ZNF318: variants seen among roughly 807,000 people sequenced by gnomAD.
The protein encoded by ZNF318 is zinc finger protein 318.
Under a neutral mutation model 124.2 loss-of-function variants are expected in ZNF318, and 51 were observed. The observed-to-expected ratio is 0.41, with a 90% CI of 0.33 to 0.52. The LOEUF (loss-of-function observed/expected upper bound fraction) is 0.52. Among genes scored for constraint, ZNF318 ranks in the 20% least tolerant of loss-of-function variants. ZNF318 has a pLI of 0.23. For missense variants in ZNF318, 2,815 were observed against 2,811.2 expected (o/e 1.00, Z -0.03); for synonymous variants, 1,090 against 1,040.7 (o/e 1.05, Z -0.91).
chr6:43,367,666 T>C (rs534526082), intron 1 of ZNF318, among the ~76,000 whole-genome samples: 54 of 152,340 alleles, frequency 3.5e-4, no homozygotes, highest in Non-Finnish European at 5.7e-4. Flanking sequence ...AGCAAATACA[T>C]TGCGCACTGG....
chr6:43,365,269 G>A (rs549359774), intron 2 of ZNF318, 23 bp downstream of exon 2: 3 of 1,609,284 alleles, frequency 1.9e-6, no homozygotes, highest in East Asian at 2.2e-5. Context: ...AGTATAGTAG[G>A]CCCTGCCTTA....
chr6:43,347,314 C>T (rs1245984427), intron 6 of ZNF318, among the ~76,000 whole-genome samples: 7 of 152,282 alleles, frequency 4.6e-5, no homozygotes, highest in Non-Finnish European at 8.8e-5. Context: ...TGATCACTGG[C>T]TATATGTGCA....
At position 43,340,183 on chromosome 6, in the gene ZNF318, G is replaced by C; in HGVS notation, c.3815C>G (p.Ser1272Cys). ...EVKKESPTSS[S>C]FGKFSWKKPE... ...CTTCTTCCAGCTGAATTTCCCAAAA[G>C]AAGATGATGTTGGTGATTCCTTCTT... The change falls in exon 10 of 10, where the codon TCT (serine) becomes TGT (cysteine). Residue 1272 changes from serine to cysteine, a missense_variant. Ser to Cys is a moderately radical substitution (Grantham distance 112, BLOSUM62 -1). Around this residue, in one of 4 missense-constraint regions of ZNF318, gnomAD observed 500 missense variants for 605.2 expected, o/e 0.83. Transcript: ENST00000361428. 6.2e-7 allele frequency: 1 copy of C among 1,614,060 alleles called. No individual in the cohort carries two copies. The highest frequency in any genetic ancestry group is 8.5e-7 in the Non-Finnish European group (1 of 1,180,016).
chr6:43,340,933 G>A (rs752439606), intron 8 of ZNF318, 25 bp from the exon 9 acceptor site: 1 of 1,549,040 alleles, frequency 6.5e-7, no homozygotes, highest in Non-Finnish European at 8.9e-7. Flanking sequence ...AAAAAGTCAA[G>A]GAAATAAGTC....
chr6:43,366,942 C>G (rs1779769959), intron 1 of ZNF318, among the ~76,000 whole-genome samples: 1 of 152,134 alleles, frequency 6.6e-6, no homozygotes, highest in African/African-American at 2.4e-5. Context: ...AGCTCCGCCT[C>G]CCAGGTTCAT....
At chr6:43,343,172 C>T (rs1221356885) in intron 6 of ZNF318, among the ~76,000 whole-genome samples, 2 of 152,144 alleles carry the variant, frequency 1.3e-5, no homozygotes, top group East Asian at 3.8e-4. Context: ...ACATTGGCTG[C>T]CTCTGGGGAA....
intron 5 of ZNF318, among the ~76,000 whole-genome samples, chr6:43,350,872 G>T (rs1779515017): frequency 6.6e-6 from 1 of 152,130 alleles, no homozygotes; most frequent in Middle Eastern, 3.2e-3. Flanking sequence ...ACTCATCAAT[G>T]GATGCTAAAA....
chr6:43,369,190 G>A lies in ZNF318; in HGVS notation c.176C>T (p.Ser59Leu). ...SSRTPARRPR[S>L]PSGHRGRRAS... is the part of the protein sequence containing the mutation. The stretch of plus-strand genomic sequence containing the variant: ...CCGGCGGCCGCGGTGCCCTGAGGGC[G>A]AGCGGGGTCGGCGAGCCGGGGTCCG... Residue 59 changes from serine to leucine, a missense_variant, in exon 1 of 10, where the codon TCG becomes TTG. Ser to Leu is a moderately radical substitution (Grantham distance 145, BLOSUM62 -2). Transcript: ENST00000361428. 1 of 1,212,208 alleles carries A rather than the reference G, an allele frequency of 8.2e-7. No individual in the cohort carries two copies. The highest frequency in any genetic ancestry group is 1.0e-6 in the Non-Finnish European group (1 of 977,024). The allele number at this position is 1,212,208 out of a possible 1,614,324, so 75.1% of individuals were successfully genotyped here. A position where few individuals can be genotyped will look rare whatever the true frequency, so the allele number is the denominator to read the frequency against.
At position 43,369,517 on chromosome 6, in the gene ZNF318, T is replaced by A; in HGVS notation, c.-152A>T. 2.0e-6 allele frequency: 1 copy of A among 488,022 alleles called. No individual in the cohort carries two copies. Among genetic ancestry groups the A allele is most frequent in the Non-Finnish European group, 2.7e-6 (1 of 373,726 alleles). 30.2% of individuals were successfully genotyped at this position (488,022 alleles called of 1,614,324 possible). A position where few individuals can be genotyped will look rare whatever the true frequency, so the allele number is the denominator to read the frequency against. ...GCAGCCCCCTCCCCTCGGCCCCGCG[T>A]CGCCCCGGGGGCCCGGCCGAGCGCG... is the stretch of plus-strand genomic sequence containing the variant. On this transcript the variant is annotated 5_prime_UTR_variant, in exon 1 of 10. Transcript: ENST00000361428.
In ZNF318 at chr6:43,368,563, C is replaced by CT. The variant is rs997428062; in HGVS notation, c.399+403dup. The CT allele has an allele frequency of 2.2e-5, 16 of 723,142 alleles. No homozygotes were observed. The Admixed American group carries it at 8.1e-4, about 37-fold the overall frequency. The allele number at this position is 723,142 out of a possible 1,614,324, so 44.8% of individuals were successfully genotyped here. ...CTCGCCACAAAAACGGACATTTCGG[C>CT]TTTTTCCCCTAAGATCCAGGAAGGC... On this transcript the variant is annotated intron_variant, in intron 1 of 9. Transcript: ENST00000361428.
In ZNF318 at chr6:43,339,381, T is replaced by C. The variant is rs1308417737; in HGVS notation, c.4617A>G (p.Pro1539=). The C allele has an allele frequency of 1.2e-6, 2 of 1,614,110 alleles. No homozygotes were observed. The change falls in exon 10 of 10, where the codon CCA becomes CCG. Residue 1539 remains proline, a synonymous_variant. Transcript: ENST00000361428. This position sits in a 1 kb window ranked among gnomAD's most constrained non-coding sequence, Gnocchi z 4.2. The part of the protein sequence containing the change: ...QTLFSVLVRP[P]PPLSSVFSEQ... ...CACTGAACACACTTGAGAGGGGTGG[T>C]GGAGGACGTACTAACACAGAGAACA...
chr6:43,352,200 T>C (rs1184713315), intron 5 of ZNF318, among the ~76,000 whole-genome samples, 177 bp downstream of exon 5: 1 of 152,024 alleles, frequency 6.6e-6, no homozygotes, highest in Non-Finnish European at 1.5e-5. Context: ...CACCATCATC[T>C]GGGAGAAGAG....
intron 1 of ZNF318, among the ~76,000 whole-genome samples, chr6:43,366,689 C>T (rs1224252274): frequency 6.6e-6 from 1 of 152,058 alleles, no homozygotes; most frequent in Non-Finnish European, 1.5e-5. Context: ...ACCTGTAGTC[C>T]CAGCTACTCA....
At position 43,338,103 on chromosome 6, in the gene ZNF318, C is replaced by A. The variant is rs1013407193; in HGVS notation, c.5895G>T (p.Arg1965Ser). 3 of 1,613,536 alleles carry A rather than the reference C, an allele frequency of 1.9e-6. No individual in the cohort carries two copies. In the African/African-American group the frequency reaches 4.0e-5, roughly 22 times the overall value. Residue 1965 changes from arginine to serine, a missense_variant, in exon 10 of 10, where the codon AGG (arginine) becomes AGT (serine). Physicochemically the swap from Arg to Ser is moderately radical, Grantham distance 110. Around this residue, in one of 4 missense-constraint regions of ZNF318, gnomAD observed 927 missense variants for 820.6 expected, o/e 1.13. Transcript: ENST00000361428. ...TCTCTGGGCTCTCCCAGGTCTCTGG[C>A]CTCTTCTTGTTTTCATCCCAAACAG... The part of the protein sequence containing the change: ...ELAVWDENKK[R>S]PETWESPEKP...
At chr6:43,345,104 TGTG>T (rs1779422432) in intron 6 of ZNF318, among the ~76,000 whole-genome samples, 1 of 151,512 alleles carries the variant, frequency 6.6e-6, no homozygotes, top group Non-Finnish European at 1.5e-5. Flanking sequence ...ATTAGCCAAG[TGTG>T]GTGGTGGTGA....
chr6:43,357,048 A>C, intron 3 of ZNF318, 78 bp downstream of exon 3: 1 of 1,477,248 alleles, frequency 6.8e-7, no homozygotes, highest in Non-Finnish European at 9.1e-7. Context: ...CATTAGGAAC[A>C]TAGCCCACAG....
chr6:43,367,694 T>C (rs1779780486), intron 1 of ZNF318, among the ~76,000 whole-genome samples: 1 of 152,216 alleles, frequency 6.6e-6, no homozygotes, highest in African/African-American at 2.4e-5. Flanking sequence ...AAGGAGGTTG[T>C]GTAAACAAGC....
chr6:43,369,162 G>A lies in ZNF318; in HGVS notation c.204C>T (p.Ala68=). ...GACGACCCCGTGGCGGGGACGGCGA[G>A]GCCCGGCGGCCGCGGTGCCCTGAGG... ...RSPSGHRGRR[A]SPSPPRGRRV... The change falls in exon 1 of 10, where the codon GCC becomes GCT. Residue 68 remains alanine (A), a synonymous_variant. Transcript: ENST00000361428. 1 of 1,211,502 alleles carries A rather than the reference G, an allele frequency of 8.3e-7. No homozygotes were observed. The highest frequency in any genetic ancestry group is 1.0e-6 in the Non-Finnish European group (1 of 975,298). 75.0% of individuals were successfully genotyped at this position (1,211,502 alleles called of 1,614,324 possible). A position where few individuals can be genotyped will look rare whatever the true frequency, so the allele number is the denominator to read the frequency against.
At position 43,355,622 on chromosome 6, in the gene ZNF318, G is replaced by A. The variant is rs767383518; in HGVS notation, c.1712C>T (p.Pro571Leu). The change falls in exon 4 of 10, where the codon CCG (proline) becomes CTG (leucine). Residue 571 changes from proline to leucine, a missense_variant. Coordinates refer to ENST00000361428, the MANE Select transcript of ZNF318 (RefSeq NM_014345.3). ...TAGCTTTACAGCTGGAGCTGAAGAC[G>A]GCAGGGAGCTTGCCTTCTGCCTCAT... Reference protein sequence around the residue: ...EVMRQKASSLPSSAPAVKLES... With the variant: ...EVMRQKASSLLSSAPAVKLES... 10 of 1,614,178 alleles carry A rather than the reference G, an allele frequency of 6.2e-6. No individual in the cohort carries two copies. Among genetic ancestry groups the A allele is most frequent in the Middle Eastern group, 1.6e-4 (1 of 6,062 alleles).
Sources: allele counts gnomAD v4.1 joint callset (sites outside exome capture counted in the v4.1 genomes callset), GRCh38; gene constraint gnomAD v4.1.1; regional missense constraint gnomAD v4.1.1; non-coding constraint Gnocchi (gnomAD v3.1); transcripts MANE v1.5; gene names NCBI Gene and HGNC (gene_info 2026-07-23, HGNC 2026-07-21).